Variants in SCRIB observed in about 807,000 individuals in gnomAD.
SCRIB encodes scribble planar cell polarity protein, also known as protein scribble homolog.
A neutral mutation model predicts 170.0 loss-of-function variants in SCRIB; 72 were observed. The observed-to-expected ratio is 0.42, with a 90% CI of 0.35 to 0.52. SCRIB has a LOEUF of 0.52. SCRIB is among the 20% of genes least tolerant of loss of function. The probability of loss-of-function intolerance (pLI) is 0.02; values close to 1 mark genes in which losing one functional copy is unlikely to be tolerated. For synonymous variants in SCRIB, 1,298 were observed against 1,044.3 expected (o/e 1.24, Z -4.68); for missense variants, 2,475 against 2,338.5 (o/e 1.06, Z -1.20).
At chr8:143,814,207 GT>G in intron 1 of SCRIB, 89 bp from the exon 2 acceptor site, 5 of 1,109,352 alleles carry the variant, frequency 4.5e-6, no homozygotes, top group Non-Finnish European at 6.6e-6. Flanking sequence ...CAAGTCAAGA[GT>G]CCCTAGGCCT....
At chr8:143,795,140 C>T in intron 26 of SCRIB, 28 bp from the exon 27 acceptor site, 1 of 1,607,588 alleles carries the variant, frequency 6.2e-7, no homozygotes, top group South Asian at 1.1e-5. Flanking sequence ...ACAGCACTAG[C>T]AGGGGTAGCT....
Position 143,792,064 on chromosome 8 carries a change from GC to G in SCRIB, c.4583del (p.Gly1528AlafsTer71). The stretch of plus-strand genomic sequence containing the variant: ...CCAGTCGCTCCAGGGGCCCCCGCGT[GC>G]CCCGGCCTTCCTGGGACCTGCTGAG... ...MVLSRSQEGRGTRGPLERLAE... is the reference protein window; with the variant it reads ...MVLSRSQEGRXTRGPLERLAE... On this transcript the variant is annotated frameshift_variant, in exon 33 of 37. Coordinates refer to ENST00000356994, the MANE Select transcript of SCRIB (RefSeq NM_182706.5). LOFTEE classifies it high-confidence loss of function. 1.3e-6 allele frequency: 2 copies of G among 1,593,052 alleles called. No homozygotes were observed. The highest frequency in any genetic ancestry group is 1.7e-5 in the Admixed American group (1 of 58,678).
At chr8:143,791,554 G>A (rs1426761180) in intron 35 of SCRIB, 112 bp downstream of exon 35, 12 of 1,560,314 alleles carry the variant, frequency 7.7e-6, no homozygotes, top group African/African-American at 2.7e-5. Context: ...GGGGGAGGGG[G>A]GGTGAAGAGG....
At chr8:143,793,245 C>G (rs1470010748) in intron 28 of SCRIB, 162 bp from the exon 29 acceptor site, 1 of 518,588 alleles carries the variant, frequency 1.9e-6, no homozygotes, top group African/African-American at 2.0e-5. Flanking sequence ...ACCCACGGGA[C>G]AGAGCACTCA....
Position 143,809,714 on chromosome 8 carries a change from T to C in SCRIB, c.1535A>G (p.Lys512Arg), listed in dbSNP as rs774961153. ...SGSPLPAEEE[K>R]RLSAESGLSE... is the part of the protein sequence containing the mutation. ...CAGGCCAGACTCGGCACTCAGCCGCTTCTCCTGCGGCGGGAAGTGGGGTCA... is the reference window on the plus strand; with the variant it reads ...CAGGCCAGACTCGGCACTCAGCCGCCTCTCCTGCGGCGGGAAGTGGGGTCA... Residue 512 changes from lysine (K) to arginine (R), a missense_variant, in exon 14 of 37, where the codon AAG (lysine) becomes AGG (arginine). Physicochemically the swap from Lys to Arg is conservative, Grantham distance 26. Transcript: ENST00000356994. 2 of 1,608,074 alleles carry C rather than the reference T, an allele frequency of 1.2e-6. No individual in the cohort carries two copies. Among genetic ancestry groups the C allele is most frequent in the Middle Eastern group, 1.7e-4 (1 of 6,052 alleles).
Position 143,810,497 on chromosome 8 carries a change from C to G in SCRIB, c.1512G>C (p.Ser504=). 1 of 1,610,122 alleles carries G rather than the reference C, an allele frequency of 6.2e-7. No individual in the cohort carries two copies. The highest frequency in any genetic ancestry group is 8.5e-7 in the Non-Finnish European group (1 of 1,179,860). ...TGCCCACCTCCTCTGCAGGCAAGGGCGACCCAGAGTCTGGCTGGCAAGGGC... is the reference window on the plus strand; with the variant it reads ...TGCCCACCTCCTCTGCAGGCAAGGGGGACCCAGAGTCTGGCTGGCAAGGGC... ...EACPCQPDSG[S]PLPAEEEKRL... is the part of the protein sequence containing the mutation. Residue 504 remains serine, a synonymous_variant, in exon 13 of 37, where the codon TCG becomes TCC. Transcript: ENST00000356994.
At position 143,810,727 on chromosome 8, in the gene SCRIB, T is replaced by TA; in HGVS notation, c.1362_1363insT (p.Ile455TyrfsTer3). 6.2e-7 allele frequency: 1 copy of TA among 1,609,160 alleles called. No homozygotes were observed. The highest frequency in any genetic ancestry group is 8.5e-7 in the Non-Finnish European group (1 of 1,177,738). ...GCTTCCTCAGCGTCCTCATCACCTA[T>TA]GGGGGCCTCCAGGAACTGGATGACG... On this transcript the variant is annotated frameshift_variant, in exon 12 of 37. Coordinates refer to ENST00000356994, the MANE Select transcript of SCRIB (RefSeq NM_182706.5). LOFTEE classifies it high-confidence loss of function.
Position 143,792,794 on chromosome 8 carries a change from T to C in SCRIB, c.4091A>G (p.Glu1364Gly). Residue 1364 changes from glutamate to glycine, a missense_variant, in exon 30 of 37, where the codon GAG (glutamate) becomes GGG (glycine). Physicochemically the swap from Glu to Gly is moderately conservative, Grantham distance 98. Around this residue, in one of 3 missense-constraint regions of SCRIB, gnomAD observed 1,966 missense variants for 1,742.9 expected, o/e 1.13. Coordinates refer to ENST00000356994, the MANE Select transcript of SCRIB (RefSeq NM_182706.5). The part of the protein sequence containing the change: ...FRERQKYFEL[E>G]VRVPQAEGPP... ...GCCCTCGGCCTGGGGCACGCGCACCTCCAGCTCAAAGTACTTCTGCCGCTC... is the reference window on the plus strand; with the variant it reads ...GCCCTCGGCCTGGGGCACGCGCACCCCCAGCTCAAAGTACTTCTGCCGCTC... 1 of 1,573,216 alleles carries C rather than the reference T, an allele frequency of 6.4e-7. No homozygotes were observed. Among genetic ancestry groups the C allele is most frequent in the Non-Finnish European group, 8.6e-7 (1 of 1,162,120 alleles).
Position 143,813,642 on chromosome 8 carries a change from C to T in SCRIB, c.441G>A (p.Val147=). ...DVSLQALPGD[V]GNLANLVTLE... ...CCACCTGAGAAGGCACTCACTTGCC[C>T]ACGTCCCCGGGCAGTGCCTGCAGAG... Residue 147 remains valine, a synonymous_variant, in exon 4 of 37, where the codon GTG becomes GTA. Coordinates refer to ENST00000356994, the MANE Select transcript of SCRIB (RefSeq NM_182706.5). The T allele has an allele frequency of 6.2e-7, 1 of 1,613,342 alleles. No individual in the cohort carries two copies. Among genetic ancestry groups the T allele is most frequent in the Non-Finnish European group, 8.5e-7 (1 of 1,179,984 alleles).
intron 13 of SCRIB, 32 bp downstream of exon 13, chr8:143,810,447 G>A (rs761347900): frequency 9.4e-6 from 15 of 1,598,008 alleles, no homozygotes; most frequent in Middle Eastern, 4.0e-4. Flanking sequence ...CCGGGTCAGC[G>A]GCCCGCCAGG....
chr8:143,800,387 C>G (rs1373578402), intron 24 of SCRIB, among the ~76,000 whole-genome samples: 1 of 152,174 alleles, frequency 6.6e-6, no homozygotes, highest in African/African-American at 2.4e-5. Flanking sequence ...TCCCTCAGAG[C>G]TGAGCACAAG....
rs1815379992 is a variant in SCRIB, at chr8:143,805,401, T to C, written c.2381A>G (p.His794Arg). 6.5e-7 allele frequency: 1 copy of C among 1,537,012 alleles called. No individual in the cohort carries two copies. The highest frequency in any genetic ancestry group is 1.2e-5 in the South Asian group (1 of 83,756). ...CCCCCGGAGCGCCTCCACGGCCTCG[T>C]GGTGCTCGGCGCCCTGCAGAGCCAC... ...NGVALQGAEHHEAVEALRGAG... is the reference protein window; with the variant it reads ...NGVALQGAEHREAVEALRGAG... Residue 794 changes from histidine (H) to arginine (R), a missense_variant, in exon 19 of 37, where the codon CAC becomes CGC. By Grantham distance (29) the His-to-Arg change is conservative (BLOSUM62 0). Coordinates refer to ENST00000356994, the MANE Select transcript of SCRIB (RefSeq NM_182706.5).
At chr8:143,800,993 G>GA (rs1554634888) in intron 24 of SCRIB, among the ~76,000 whole-genome samples, 1 of 152,204 alleles carries the variant, frequency 6.6e-6, no homozygotes. Flanking sequence ...TTCAAGACAA[G>GA]AAAAAGGAGT....
chr8:143,804,699 G>A lies in SCRIB; in HGVS notation c.2878C>T (p.Pro960Ser). The change falls in exon 21 of 37, where the codon CCA (proline) becomes TCA (serine). Residue 960 changes from proline to serine, a missense_variant. Physicochemically the swap from Pro to Ser is moderately conservative, Grantham distance 74. Coordinates refer to ENST00000356994, the MANE Select transcript of SCRIB (RefSeq NM_182706.5). The part of the protein sequence containing the change: ...AGGPLPPSPL[P>S]HSSPPTAAVA... Reference sequence around the variant, plus strand: ...GCAGCGGTGGGGGGTGAGGAATGTGGCAGAGGGCTGGGAGGAAGAGGGCCC... The same window carrying A: ...GCAGCGGTGGGGGGTGAGGAATGTGACAGAGGGCTGGGAGGAAGAGGGCCC... The A allele has an allele frequency of 6.4e-7, 1 of 1,574,672 alleles. No individual in the cohort carries two copies. The highest frequency in any genetic ancestry group is 8.6e-7 in the Non-Finnish European group (1 of 1,158,278).
chr8:143,791,970 G>A (rs1278145330), intron 33 of SCRIB, 21 bp downstream of exon 33: 8 of 1,480,502 alleles, frequency 5.4e-6, no homozygotes, highest in Admixed American at 4.9e-5. Flanking sequence ...TGACCCCCCC[G>A]ACCTGCCCTG....
In SCRIB at chr8:143,804,841, C is replaced by T. The variant is rs781852963; in HGVS notation, c.2752-16G>A. On this transcript the variant is annotated splice_polypyrimidine_tract_variant and intron_variant, in intron 20 of 36. Transcript: ENST00000356994. ...CTCCATTAATCTGTGAGAGCGTGCCCGAATCAGGGAGGCCCAAGGGCAGAA... is the reference window on the plus strand; with the variant it reads ...CTCCATTAATCTGTGAGAGCGTGCCTGAATCAGGGAGGCCCAAGGGCAGAA... The T allele has an allele frequency of 3.7e-5, 58 of 1,552,260 alleles. No individual in the cohort carries two copies. Among genetic ancestry groups the T allele is most frequent in the Non-Finnish European group, 4.5e-5 (52 of 1,158,578 alleles).
At chr8:143,802,791 C>T (rs1554635224) in intron 24 of SCRIB, among the ~76,000 whole-genome samples, 1 of 152,246 alleles carries the variant, frequency 6.6e-6, no homozygotes, top group Non-Finnish European at 1.5e-5. Context: ...CCTGGGGCCC[C>T]ACCTCGCATC....
intron 7 of SCRIB, 30 bp downstream of exon 7, chr8:143,813,000 A>G (rs199722919): frequency 6.2e-7 from 1 of 1,610,460 alleles, no homozygotes; most frequent in East Asian, 2.2e-5. Context: ...GATGGGCACG[A>G]AGCAGGGGGC....
intron 9 of SCRIB, among the ~76,000 whole-genome samples, chr8:143,811,698 A>G (rs1815732034): frequency 6.6e-6 from 1 of 151,976 alleles, no homozygotes; most frequent in Non-Finnish European, 1.5e-5. Context: ...AGGGCTCCCC[A>G]GGCCCCCAGT....
Sources: allele counts gnomAD v4.1 joint callset (sites outside exome capture counted in the v4.1 genomes callset), GRCh38; gene constraint gnomAD v4.1.1; regional missense constraint gnomAD v4.1.1; transcripts MANE v1.5; gene names NCBI Gene and HGNC (gene_info 2026-07-23, HGNC 2026-07-21).